Variants in GIMAP7 observed in about 807,000 individuals in gnomAD.
GIMAP7 encodes the protein GTPase, IMAP family member 7, also known as GTPase IMAP family member 7.
For synonymous variants in GIMAP7, 137 were observed against 129.3 expected (o/e 1.06, Z -0.40); for missense variants, 323 against 359.7 (o/e 0.90, Z 0.83).
In GIMAP7 at chr7:150,520,595, G is replaced by A. The variant is rs1221745400; in HGVS notation, c.621G>A (p.Lys207=). 1.9e-6 allele frequency: 3 copies of A among 1,614,082 alleles called. No homozygotes were observed. Among genetic ancestry groups the A allele is most frequent in the Non-Finnish European group, 1.7e-6 (2 of 1,180,008 alleles). Residue 207 remains lysine, a synonymous_variant, in exon 2 of 2, where the codon AAG becomes AAA. Coordinates refer to ENST00000313543, the MANE Select transcript of GIMAP7 (RefSeq NM_153236.4). ...EGAYFSDDIY[K]DTEERLKQRE... The stretch of plus-strand genomic sequence containing the variant: ...CTTACTTTTCTGATGACATATACAA[G>A]GACACAGAGGAAAGGCTGAAACAAC...
intron 1 of GIMAP7, among the ~76,000 whole-genome samples, chr7:150,515,204 CAG>C (rs1363110907): frequency 2.0e-5 from 3 of 152,330 alleles, no homozygotes; most frequent in African/African-American, 7.2e-5. Flanking sequence ...GTGATAGACA[CAG>C]AGTGTTGCCT....
rs149518773 is a variant in GIMAP7 at position 150,520,263 on chromosome 7, C to G, written c.289C>G (p.Leu97Val). The part of the protein sequence containing the change: ...SSCPGPHAIV[L>V]VLLLGRYTEE... Reference sequence around the variant, plus strand: ...CTGCCCAGGGCCCCATGCTATTGTCCTAGTTCTGCTGCTGGGCCGCTACAC... The same window carrying G: ...CTGCCCAGGGCCCCATGCTATTGTCGTAGTTCTGCTGCTGGGCCGCTACAC... The change falls in exon 2 of 2, where the codon CTA becomes GTA. Residue 97 changes from leucine (L) to valine (V), a missense_variant. Leu to Val is a conservative substitution (Grantham distance 32, BLOSUM62 1). Transcript: ENST00000313543. 7.0e-5 allele frequency: 113 copies of G among 1,614,028 alleles called. No homozygotes were observed. Among genetic ancestry groups the G allele is most frequent in the Non-Finnish European group, 9.1e-5 (107 of 1,180,026 alleles).
intron 1 of GIMAP7, among the ~76,000 whole-genome samples, chr7:150,518,369 T>C (rs990739733): frequency 6.6e-6 from 1 of 152,192 alleles, no homozygotes; most frequent in Admixed American, 6.5e-5. Flanking sequence ...AAATGGATTT[T>C]TGCCATACCT....
At position 150,520,438 on chromosome 7, in the gene GIMAP7, G is replaced by T. The variant is rs747843953; in HGVS notation, c.464G>T (p.Ser155Ile). 6.2e-7 allele frequency: 1 copy of T among 1,614,114 alleles called. No individual in the cohort carries two copies. The change falls in exon 2 of 2, where the codon AGC becomes ATC. Residue 155 changes from serine (S) to isoleucine (I), a missense_variant. Transcript: ENST00000313543. ...GCAGATGCGGATGTGGGCCTAAAAA[G>T]CATCGTCAAGGAGTGCGGGAACCGC... Reference protein sequence around the residue: ...FIADADVGLKSIVKECGNRCC... With the variant: ...FIADADVGLKIIVKECGNRCC...
At chr7:150,519,608 GA>G (rs945508776) in intron 1 of GIMAP7, among the ~76,000 whole-genome samples, 12 of 150,986 alleles carry the variant, frequency 7.9e-5, no homozygotes, top group African/African-American at 2.7e-4. Context: ...TTGCTTCATA[GA>G]AAAAAAAAGT....
chr7:150,517,485 T>C (rs1795146204), intron 1 of GIMAP7, among the ~76,000 whole-genome samples: 1 of 152,140 alleles, frequency 6.6e-6, no homozygotes, highest in Non-Finnish European at 1.5e-5. Context: ...ATTTCTTTTG[T>C]GGGAAATACC....
intron 1 of GIMAP7, among the ~76,000 whole-genome samples, chr7:150,518,377 C>T (rs570556852): frequency 3.1e-4 from 47 of 152,092 alleles, no homozygotes; most frequent in African/African-American, 1.1e-3. Flanking sequence ...TTTTGCCATA[C>T]CTATAGTAGA....
chr7:150,519,987 G>A lies in GIMAP7; in HGVS notation c.13G>A (p.Glu5Lys). 1 of 1,614,012 alleles carries A rather than the reference G, an allele frequency of 6.2e-7. No homozygotes were observed. MAES[E>K]DRSLRIVLVG... ...TCCTGACGTGAGCATGGCTGAGAGT[G>A]AGGACCGCTCCCTGAGGATCGTTCT... The change falls in exon 2 of 2, where the codon GAG becomes AAG. Residue 5 changes from glutamate (E) to lysine (K), a missense_variant. By Grantham distance (56) the Glu-to-Lys change is moderately conservative. Transcript: ENST00000313543.
At chr7:150,518,965 G>A (rs961471342) in intron 1 of GIMAP7, among the ~76,000 whole-genome samples, 8 of 151,722 alleles carry the variant, frequency 5.3e-5, no homozygotes, top group African/African-American at 1.9e-4. Context: ...TTTCCCATTG[G>A]TATGAGGTGT....
intron 1 of GIMAP7, among the ~76,000 whole-genome samples, chr7:150,518,662 T>A (rs1248061171): frequency 2.0e-5 from 3 of 152,118 alleles, no homozygotes; most frequent in Non-Finnish European, 4.4e-5. Flanking sequence ...TTAATTTGCC[T>A]ATGGTGTTGT....
Position 150,520,901 on chromosome 7 carries a change from G to A in GIMAP7, c.*24G>A, listed in dbSNP as rs767188719. On this transcript the variant is annotated 3_prime_UTR_variant, in exon 2 of 2. Transcript: ENST00000313543. The stretch of plus-strand genomic sequence containing the variant: ...AATTTACTGTGATTTGTTAATGGAT[G>A]AATTGTATTTTGCAAAGATAGTTAG... 5 of 1,277,324 alleles carry A rather than the reference G, an allele frequency of 3.9e-6. No homozygotes were observed. The South Asian group carries it at 9.7e-5, about 25-fold the overall frequency. 79.1% of individuals were successfully genotyped at this position (1,277,324 alleles called of 1,614,324 possible). A position where few individuals can be genotyped will look rare whatever the true frequency, so the allele number is the denominator to read the frequency against.
rs1350847896 is a variant in GIMAP7 at position 150,519,338 on chromosome 7, T to A, written c.-41-596T>A. ...TTCTACAAACTACCGTAAACATGAA[T>A]CAGTGTTAAATTTGGCCAAATATCT... On this transcript the variant is annotated intron_variant, in intron 1 of 1. Coordinates refer to ENST00000313543, the MANE Select transcript of GIMAP7 (RefSeq NM_153236.4). 7.2e-5 allele frequency among the ~76,000 whole-genome samples: 11 copies of A among 152,178 alleles called. No individual in the cohort carries two copies. In the East Asian group the frequency reaches 1.9e-3, roughly 27 times the overall value.
intron 1 of GIMAP7, among the ~76,000 whole-genome samples, chr7:150,518,177 G>A (rs1337610514): frequency 1.3e-5 from 2 of 152,078 alleles, no homozygotes; most frequent in Admixed American, 6.5e-5. Context: ...CTGTATTTTT[G>A]TCAGTGCAGC....
chr7:150,520,821 A>G lies in GIMAP7; in HGVS notation c.847A>G (p.Met283Val). The G allele has an allele frequency of 6.6e-7, 1 of 1,510,488 alleles. No individual in the cohort carries two copies. Among genetic ancestry groups the G allele is most frequent in the Non-Finnish European group, 8.9e-7 (1 of 1,128,788 alleles). 93.6% of individuals were successfully genotyped at this position (1,510,488 alleles called of 1,614,324 possible). A position where few individuals can be genotyped will look rare whatever the true frequency, so the allele number is the denominator to read the frequency against. ...AGATGTTTTTAATAGGATTTGGAAG[A>G]TGCTTTCAGAAATATGGCATAGGTT... ...FKDVFNRIWK[M>V]LSEIWHRFLS... is the part of the protein sequence containing the mutation. Residue 283 changes from methionine to valine, a missense_variant, in exon 2 of 2, where the codon ATG becomes GTG. Met to Val is a conservative substitution (Grantham distance 21, BLOSUM62 1). Transcript: ENST00000313543.
In GIMAP7 at chr7:150,520,131, G is replaced by C; in HGVS notation, c.157G>C (p.Glu53Gln). The C allele has an allele frequency of 6.2e-7, 1 of 1,614,162 alleles. No homozygotes were observed. The highest frequency in any genetic ancestry group is 8.5e-7 in the Non-Finnish European group (1 of 1,180,020). ...CAAGAACTGTCAAAAAGCATCCCGGGAATGGCAGGGGAGAGACCTTCTTGT... is the reference window on the plus strand; with the variant it reads ...CAAGAACTGTCAAAAAGCATCCCGGCAATGGCAGGGGAGAGACCTTCTTGT... Reference protein sequence around the residue: ...VTKNCQKASREWQGRDLLVVD... With the variant: ...VTKNCQKASRQWQGRDLLVVD... Residue 53 changes from glutamate to glutamine, a missense_variant, in exon 2 of 2, where the codon GAA becomes CAA. Transcript: ENST00000313543.
chr7:150,520,650 G>A lies in GIMAP7; in HGVS notation c.676G>A (p.Asp226Asn), dbSNP rs1419477169. 9.9e-6 allele frequency: 16 copies of A among 1,613,234 alleles called. No individual in the cohort carries two copies. Among genetic ancestry groups the A allele is most frequent in the Admixed American group, 3.3e-5 (2 of 59,970 alleles). ...REEVLRKIYT[D>N]QLNEEIKLVE... ...AGAGGTTTTGAGGAAAATCTACACT[G>A]ACCAATTAAATGAAGAAATTAAACT... The change falls in exon 2 of 2, where the codon GAC becomes AAC. Residue 226 changes from aspartate to asparagine, a missense_variant. Coordinates refer to ENST00000313543, the MANE Select transcript of GIMAP7 (RefSeq NM_153236.4).
Position 150,521,027 on chromosome 7 carries a change from TATAC to T in GIMAP7, c.*152_*155del. ...TGTGATTTTTAAATATATATATATA[TATAC>T]ACACATTGTGAAATAATGAAATAAA... On this transcript the variant is annotated 3_prime_UTR_variant, in exon 2 of 2. Coordinates refer to ENST00000313543, the MANE Select transcript of GIMAP7 (RefSeq NM_153236.4). The T allele has an allele frequency of 4.0e-6, 1 of 250,718 alleles. No individual in the cohort carries two copies. 15.5% of individuals were successfully genotyped at this position (250,718 alleles called of 1,614,324 possible).
Position 150,520,513 on chromosome 7 carries a change from G to A in GIMAP7, c.539G>A (p.Ser180Asn). The change falls in exon 2 of 2, where the codon AGT (serine) becomes AAT (asparagine). Residue 180 changes from serine to asparagine, a missense_variant. Physicochemically the swap from Ser to Asn is conservative, Grantham distance 46. Transcript: ENST00000313543. Reference sequence around the variant, plus strand: ...AAAACCAGTAAGGCAGAGAAGGAAAGTCAAGTGCAGGAGTTGGTGGAGCTG... The same window carrying A: ...AAAACCAGTAAGGCAGAGAAGGAAAATCAAGTGCAGGAGTTGGTGGAGCTG... ...SKKTSKAEKESQVQELVELIE... is the reference protein window; with the variant it reads ...SKKTSKAEKENQVQELVELIE... The A allele has an allele frequency of 1.2e-6, 2 of 1,614,212 alleles. No individual in the cohort carries two copies. Among genetic ancestry groups the A allele is most frequent in the South Asian group, 2.2e-5 (2 of 91,082 alleles).
At position 150,520,708 on chromosome 7, in the gene GIMAP7, A is replaced by T. The variant is rs1034168932; in HGVS notation, c.734A>T (p.Glu245Val). The T allele has an allele frequency of 1.3e-6, 2 of 1,553,960 alleles. No homozygotes were observed. The highest frequency in any genetic ancestry group is 1.8e-6 in the Non-Finnish European group (2 of 1,139,790). Residue 245 changes from glutamate (E) to valine (V), a missense_variant, in exon 2 of 2, where the codon GAA becomes GTA. Glu to Val is a moderately radical substitution (Grantham distance 121). Transcript: ENST00000313543. ...GAGGATAAGCATAAATCAGAGGAAG[A>T]AAAGGAGAAAGAAATTAAATTACTA... ...VEEDKHKSEEEKEKEIKLLKL... is the reference protein window; with the variant it reads ...VEEDKHKSEEVKEKEIKLLKL...
Sources: allele counts gnomAD v4.1 joint callset (sites outside exome capture counted in the v4.1 genomes callset), GRCh38; gene constraint gnomAD v4.1.1; transcripts MANE v1.5; gene names NCBI Gene and HGNC (gene_info 2026-07-23, HGNC 2026-07-21).